The following PAIP2 variants were observed in gnomAD, a reference collection of about 807,000 sequenced individuals.
The protein encoded by PAIP2 is polyadenylate-binding protein-interacting protein 2.
In PAIP2, 7 loss-of-function variants were observed where a neutral mutation model predicts 14.8. The ratio of observed to expected loss-of-function variants is 0.47; its 90% confidence interval spans 0.27 to 0.89. PAIP2 has a LOEUF of 0.89. Among genes scored for constraint, PAIP2 ranks in the 40% least tolerant of loss-of-function variants. The pLI, the probability that PAIP2 is intolerant of heterozygous loss-of-function variation, is 0.13. For synonymous variants in PAIP2, 47 were observed against 45.3 expected, an observed-to-expected ratio of 1.04 and a Z score of -0.15; for missense variants, 122 against 154.7, an observed-to-expected ratio of 0.79 and a Z score of 1.12.
chr5:139,346,576 G>C (rs1353289279), intron 1 of PAIP2, among the ~76,000 whole-genome samples: 1 of 151,544 alleles, frequency 6.6e-6, no homozygotes, highest in East Asian at 1.9e-4. Flanking sequence ...CTGATGCTCA[G>C]GTTGGAATGC....
At chr5:139,366,284 C>T (rs563423803) in intron 3 of PAIP2, among the ~76,000 whole-genome samples, 2 of 151,464 alleles carry the variant, frequency 1.3e-5, no homozygotes, top group South Asian at 2.1e-4. Flanking sequence ...CTGGCTGGGT[C>T]CACTGAACTA....
In PAIP2 at chr5:139,369,103, G is replaced by C. The variant is rs1359452265; in HGVS notation, c.*305G>C. On this transcript the variant is annotated 3_prime_UTR_variant, in exon 4 of 4. Coordinates refer to ENST00000265192, the MANE Select transcript of PAIP2 (RefSeq NM_016480.5). ...AAACCTTACCAAATTGTCTTTTTTTGAGGCTAATCTATCACTTGTTAATGT... is the reference window on the plus strand; with the variant it reads ...AAACCTTACCAAATTGTCTTTTTTTCAGGCTAATCTATCACTTGTTAATGT... 1 of 221,204 alleles carries C rather than the reference G, an allele frequency of 4.5e-6. No homozygotes were observed. 13.7% of individuals were successfully genotyped at this position (221,204 alleles called of 1,614,324 possible). A position where few individuals can be genotyped will look rare whatever the true frequency, so the allele number is the denominator to read the frequency against.
intron 1 of PAIP2, among the ~76,000 whole-genome samples, chr5:139,355,805 C>T (rs1756891536): frequency 6.7e-6 from 1 of 150,006 alleles, no homozygotes; most frequent in Admixed American, 6.6e-5. Flanking sequence ...TGCAGTGAGC[C>T]AAGATCAAGC....
chr5:139,348,104 C>T (rs1016443577), intron 1 of PAIP2, among the ~76,000 whole-genome samples: 5 of 144,328 alleles, frequency 3.5e-5, no homozygotes, highest in African/African-American at 1.3e-4. Context: ...CGAGATCGTG[C>T]AGCTGCACTT....
intron 1 of PAIP2, among the ~76,000 whole-genome samples, chr5:139,362,064 G>A (rs968977094): frequency 5.9e-5 from 9 of 152,026 alleles, no homozygotes; most frequent in African/African-American, 2.2e-4. Context: ...GAGATCCAGA[G>A]CTATATACAT....
At chr5:139,342,492 T>C (rs1482398070) in intron 1 of PAIP2, 1 of 152,066 alleles carries the variant, frequency 6.6e-6, no homozygotes, top group Admixed American at 6.6e-5. Context: ...CTTGGCGTCT[T>C]GGGGGAACGC....
intron 2 of PAIP2, 116 bp downstream of exon 2, chr5:139,364,038 G>A: frequency 1.2e-6 from 1 of 822,872 alleles, no homozygotes; most frequent in Non-Finnish European, 1.9e-6. Context: ...AGACTGATGT[G>A]CCACCACTCC....
chr5:139,342,123 C>G (rs1406106491), intron 1 of PAIP2, 143 bp downstream of exon 1: 1 of 152,530 alleles, frequency 6.6e-6, no homozygotes, highest in Non-Finnish European at 1.5e-5. Flanking sequence ...TTGCCTCTTT[C>G]CACCAAGTCT....
intron 1 of PAIP2, among the ~76,000 whole-genome samples, chr5:139,347,477 T>A (rs949619482): frequency 3.3e-5 from 5 of 151,988 alleles, no homozygotes; most frequent in African/African-American, 1.2e-4. Context: ...TTTCACCATA[T>A]TGGCCGGGCT....
chr5:139,342,332 T>C (rs1431074770), intron 1 of PAIP2: 2 of 152,146 alleles, frequency 1.3e-5, no homozygotes, highest in African/African-American at 2.4e-5. Context: ...CCCTTTCCCC[T>C]GCCCCCCTCC....
intron 1 of PAIP2, among the ~76,000 whole-genome samples, chr5:139,347,268 CTTTTTTTTTT>C (rs34018719): frequency 9.4e-6 from 1 of 105,884 alleles, no homozygotes; most frequent in African/African-American, 3.7e-5. Context: ...CATGTTACAA[CTTTTTTTTTT>C]TTTTTTTTTT....
intron 1 of PAIP2, among the ~76,000 whole-genome samples, chr5:139,349,232 G>A (rs532710924): frequency 6.5e-4 from 99 of 152,180 alleles, no homozygotes; most frequent in Non-Finnish European, 8.4e-4. Context: ...GTATAGAGTT[G>A]TTTTTTGCTG....
intron 1 of PAIP2, chr5:139,342,878 A>G (rs1160378416): frequency 6.6e-6 from 1 of 152,116 alleles, no homozygotes; most frequent in African/African-American, 2.4e-5. Flanking sequence ...AACTCATAAA[A>G]ACCCCAAACT....
intron 3 of PAIP2, among the ~76,000 whole-genome samples, chr5:139,368,055 G>T (rs1278335988): frequency 6.6e-6 from 1 of 152,016 alleles, no homozygotes; most frequent in Non-Finnish European, 1.5e-5. Context: ...GAAAAATTAG[G>T]CCGGGCGCGG....
At chr5:139,350,491 C>T (rs549199006) in intron 1 of PAIP2, among the ~76,000 whole-genome samples, 18 of 150,716 alleles carry the variant, frequency 1.2e-4, no homozygotes, top group Non-Finnish European at 2.7e-4. Context: ...ATTAGTGTGT[C>T]ATGGTGGCAT....
intron 1 of PAIP2, among the ~76,000 whole-genome samples, chr5:139,344,342 C>CG (rs1159981564): frequency 6.6e-6 from 1 of 152,250 alleles, no homozygotes; most frequent in Non-Finnish European, 1.5e-5. Flanking sequence ...CGTCTTCTGA[C>CG]TGTGGTCTAA....
chr5:139,368,321 CAG>C (rs1302237694), intron 3 of PAIP2, among the ~76,000 whole-genome samples: 5 of 151,586 alleles, frequency 3.3e-5, no homozygotes, highest in African/African-American at 4.9e-5. Flanking sequence ...GCCTGGGTGA[CAG>C]AGTGAGACTC....
At chr5:139,361,935 C>CA (rs34168919) in intron 1 of PAIP2, among the ~76,000 whole-genome samples, 55,325 of 99,708 alleles carry the variant, frequency 0.55, 16,245 homozygotes, top group Middle Eastern at 0.69. Context: ...GACCCTGTCT[C>CA]AAAAAAAAAA....
At chr5:139,359,583 G>T (rs1273363519) in intron 1 of PAIP2, among the ~76,000 whole-genome samples, 1 of 152,150 alleles carries the variant, frequency 6.6e-6, no homozygotes, top group East Asian at 1.9e-4. Context: ...CCAGTTGTGA[G>T]GCAGGATCAA....
Sources: allele counts gnomAD v4.1 joint callset (sites outside exome capture counted in the v4.1 genomes callset), GRCh38; gene constraint gnomAD v4.1.1; transcripts MANE v1.5; gene names NCBI Gene and HGNC (gene_info 2026-07-23, HGNC 2026-07-21).